Variants in CDRT4 observed in about 807,000 individuals in gnomAD.
The protein encoded by CDRT4 is CMT1A duplicated region transcript 4.
For missense variants in CDRT4, 167 were observed against 193.1 expected, an observed-to-expected ratio of 0.87 and a Z score of 0.80; for synonymous variants, 64 against 69.6, an observed-to-expected ratio of 0.92 and a Z score of 0.40.
intron 2 of CDRT4, chr17:15,444,227 C>A: frequency 1.3e-6 from 1 of 749,058 alleles, no homozygotes; most frequent in Non-Finnish European, 2.3e-6. Flanking sequence ...AACAAGATGC[C>A]GGATGATTCC....
At chr17:15,456,112 C>T (rs535111205) in intron 1 of CDRT4, among the ~76,000 whole-genome samples, 4 of 152,268 alleles carry the variant, frequency 2.6e-5, no homozygotes, top group South Asian at 4.2e-4. Context: ...TTCCTTCTTC[C>T]CCATTCCATC....
At chr17:15,457,492 T>A (rs78630076) in intron 1 of CDRT4, among the ~76,000 whole-genome samples, 3,240 of 152,320 alleles carry the variant, frequency 0.021, 112 homozygotes, top group African/African-American at 0.073. Context: ...ACAGAGTGGA[T>A]ATTCTAGACG....
rs1368240018 is a variant in CDRT4, at chr17:15,436,934, G to A, written c.*839C>T. On this transcript the variant is annotated 3_prime_UTR_variant, in exon 4 of 4. Transcript: ENST00000619038. ...GGGGGAGCTAGAAGGAATCTGCTAGGCTAAAGGAGGAAGTAGGAAGTGGCC... is the reference window on the plus strand; with the variant it reads ...GGGGGAGCTAGAAGGAATCTGCTAGACTAAAGGAGGAAGTAGGAAGTGGCC... 1 of 152,204 alleles carries A rather than the reference G, an allele frequency of 6.6e-6. No individual in the cohort carries two copies. The highest frequency in any genetic ancestry group is 2.4e-5 in the African/African-American group (1 of 41,436). The allele number at this position is 152,204 out of a possible 1,614,324, so 9.4% of individuals were successfully genotyped here.
chr17:15,438,337 A>G, intron 3 of CDRT4, 137 bp from the exon 4 acceptor site: 1 of 740,718 alleles, frequency 1.4e-6, no homozygotes, highest in Non-Finnish European at 2.2e-6. Context: ...TAGGAATAAA[A>G]TCCAATTCAA....
intron 2 of CDRT4, among the ~76,000 whole-genome samples, chr17:15,440,651 C>A (rs1457795283): frequency 6.6e-6 from 1 of 152,120 alleles, no homozygotes; most frequent in Non-Finnish European, 1.5e-5. Flanking sequence ...ATCTCCTCTA[C>A]CAGAGTCCAA....
At chr17:15,465,417 AAC>A (rs1979987026) in intron 1 of CDRT4, among the ~76,000 whole-genome samples, 1 of 151,054 alleles carries the variant, frequency 6.6e-6, no homozygotes, top group African/African-American at 2.4e-5. Context: ...AACACACACC[AAC>A]ACAGACATAC....
intron 2 of CDRT4, among the ~76,000 whole-genome samples, chr17:15,442,939 C>G (rs916389989): frequency 6.6e-6 from 1 of 152,162 alleles, no homozygotes; most frequent in Non-Finnish European, 1.5e-5. Context: ...AAATGAAATG[C>G]AAACCAGCAG....
rs145055448 is a variant in CDRT4, at chr17:15,437,939, G to A, written c.293C>T (p.Thr98Met). The A allele has an allele frequency of 1.9e-5, 31 of 1,614,078 alleles. No individual in the cohort carries two copies. The highest frequency in any genetic ancestry group is 5.5e-5 in the South Asian group (5 of 91,090). The change falls in exon 4 of 4, where the codon ACG (threonine) becomes ATG (methionine). Residue 98 changes from threonine to methionine, a missense_variant. By Grantham distance (81) the Thr-to-Met change is moderately conservative. Transcript: ENST00000619038. ...AVFRDTLSESTLSMWGAYSVL... is the reference protein window; with the variant it reads ...AVFRDTLSESMLSMWGAYSVL... ...CGAATAAGCGCCCCACATTGATAAC[G>A]TGGATTCTGACAGCGTGTCCCTGAA...
At chr17:15,445,053 G>A (rs535150235) in intron 2 of CDRT4, among the ~76,000 whole-genome samples, 1 of 152,154 alleles carries the variant, frequency 6.6e-6, no homozygotes, top group African/African-American at 2.4e-5. Context: ...AGGATTTTAC[G>A]GGTTCCAGGC....
In CDRT4 at chr17:15,450,509, G is replaced by T. The variant is rs1354264201; in HGVS notation, c.-48+2495C>A. ...CCCACCTGGTTTCCATGATGCCACA[G>T]GAGTGGAATCCCACCATCACTCAGC... On this transcript the variant is annotated intron_variant, in intron 2 of 3. Coordinates refer to ENST00000619038, the MANE Select transcript of CDRT4 (RefSeq NM_001204477.2). This position sits in a 1 kb window ranked among gnomAD's most constrained non-coding sequence, Gnocchi z 4.2. Among the ~76,000 whole-genome samples the T allele has an allele frequency of 6.6e-6, 1 of 151,822 alleles. No homozygotes were observed. Among genetic ancestry groups the T allele is most frequent in the Non-Finnish European group, 1.5e-5 (1 of 67,988 alleles).
At chr17:15,444,144 G>A in intron 2 of CDRT4, 1 of 1,270,532 alleles carries the variant, frequency 7.9e-7, no homozygotes, top group Admixed American at 1.7e-5. Context: ...ATTTTTGGAT[G>A]GTATATATGT....
At chr17:15,461,201 A>T (rs1260326794) in intron 1 of CDRT4, among the ~76,000 whole-genome samples, 1 of 152,200 alleles carries the variant, frequency 6.6e-6, no homozygotes, top group Non-Finnish European at 1.5e-5. Context: ...CTTGAATTCC[A>T]TGAAAGGAAG....
intron 2 of CDRT4, 91 bp from the exon 3 acceptor site, chr17:15,440,376 T>C: frequency 2.9e-6 from 4 of 1,398,916 alleles, no homozygotes; most frequent in Non-Finnish European, 2.0e-6. Flanking sequence ...AAGTCCTATA[T>C]GGTCACTGCA....
intron 3 of CDRT4, 88 bp downstream of exon 3, chr17:15,440,120 C>A (rs1246489187): frequency 3.9e-6 from 5 of 1,273,736 alleles, no homozygotes; most frequent in Non-Finnish European, 5.3e-6. Flanking sequence ...AAAAGAGTGG[C>A]CGCCCAGTGG....
At position 15,437,965 on chromosome 17, in the gene CDRT4, C is replaced by A; in HGVS notation, c.267G>T (p.Val89=). ...RKSSKSSGKA[V]FRDTLSESTL... ...TGGATTCTGACAGCGTGTCCCTGAACACAGCTTTGCCAGAAGACTTGGAAG... is the reference window on the plus strand; with the variant it reads ...TGGATTCTGACAGCGTGTCCCTGAAAACAGCTTTGCCAGAAGACTTGGAAG... Residue 89 remains valine, a synonymous_variant, in exon 4 of 4, where the codon GTG becomes GTT. Transcript: ENST00000619038. The A allele has an allele frequency of 6.2e-7, 1 of 1,614,216 alleles. No homozygotes were observed. The highest frequency in any genetic ancestry group is 8.5e-7 in the Non-Finnish European group (1 of 1,180,036).
chr17:15,446,443 C>T (rs1204439105), intron 2 of CDRT4, among the ~76,000 whole-genome samples: 1 of 152,132 alleles, frequency 6.6e-6, no homozygotes, highest in East Asian at 1.9e-4. Context: ...AATGTTAAGG[C>T]AAAGGGCAAT....
rs1189675293 is a variant in CDRT4, at chr17:15,456,330, G to A, written c.-129-3245C>T. 2.6e-5 allele frequency among the ~76,000 whole-genome samples: 4 copies of A among 152,272 alleles called. No homozygotes were observed. The East Asian group carries it at 7.7e-4, about 29-fold the overall frequency. On this transcript the variant is annotated intron_variant, in intron 1 of 3. Transcript: ENST00000619038. ...GATACGGGGGGAAGGCTCAGAGATG[G>A]AGTTAGGGTACTTGCCTTACACATT...
intron 1 of CDRT4, among the ~76,000 whole-genome samples, chr17:15,459,120 T>C (rs1979622754): frequency 6.6e-6 from 1 of 152,206 alleles, no homozygotes; most frequent in South Asian, 2.1e-4. Context: ...TGTGCTGTCA[T>C]TTGGAAATTT....
In CDRT4 at chr17:15,448,386, T is replaced by A. The variant is rs180937258; in HGVS notation, c.-48+4618A>T. Among the ~76,000 whole-genome samples, 7 of 152,322 alleles carry A rather than the reference T, an allele frequency of 4.6e-5. No individual in the cohort carries two copies. In the South Asian group the frequency reaches 1.2e-3, roughly 27 times the overall value. On this transcript the variant is annotated intron_variant, in intron 2 of 3. Coordinates refer to ENST00000619038, the MANE Select transcript of CDRT4 (RefSeq NM_001204477.2). ...TCAGAGGAAGGTGAAAGTGACTGTA[T>A]TATAAATAGTGTGTGTCACAATTAC...
Sources: gnomAD v4.1 joint callset for allele counts (sites outside exome capture counted in the v4.1 genomes callset) on GRCh38, gnomAD v4.1.1 for gene constraint, Gnocchi (gnomAD v3.1) non-coding constraint, MANE v1.5 for transcripts, NCBI Gene and HGNC (gene_info 2026-07-23, HGNC 2026-07-21) for gene names.